The following ZNF438 variants were observed in gnomAD, a reference collection of about 807,000 sequenced individuals.
The protein encoded by ZNF438 is zinc finger protein 438.
A neutral mutation model predicts 38.0 loss-of-function variants in ZNF438; 25 were observed. The observed-to-expected ratio is 0.66, with a 90% CI of 0.48 to 0.92. The LOEUF is 0.92. Among genes scored for constraint, ZNF438 ranks in the 40% least tolerant of loss-of-function variants. The probability of loss-of-function intolerance (pLI) is 0.00; values close to 1 mark genes in which losing one functional copy is unlikely to be tolerated. For missense variants in ZNF438, 1,007 were observed against 999.6 expected (o/e 1.01, Z -0.10); for synonymous variants, 372 against 364.1 (o/e 1.02, Z -0.25).
At chr10:30,978,723 G>C (rs1468426382) in intron 1 of ZNF438, among the ~76,000 whole-genome samples, 1 of 152,196 alleles carries the variant, frequency 6.6e-6, no homozygotes, top group Admixed American at 6.5e-5. Context: ...GCAGTAAATG[G>C]AATCAGTTGT....
intron 1 of ZNF438, among the ~76,000 whole-genome samples, chr10:31,017,555 C>T (rs1235079335): frequency 6.6e-6 from 1 of 152,174 alleles, no homozygotes; most frequent in Non-Finnish European, 1.5e-5. Context: ...AAGTAGTAAC[C>T]ACAACTAAGG....
intron 2 of ZNF438, among the ~76,000 whole-genome samples, chr10:30,913,803 G>C (rs770894094): frequency 1.3e-5 from 2 of 152,034 alleles, no homozygotes; most frequent in African/African-American, 4.8e-5. Context: ...TAAGAACAAG[G>C]AACTTCTCTT....
At chr10:30,894,510 T>C (rs2041089395) in intron 3 of ZNF438, among the ~76,000 whole-genome samples, 1 of 152,118 alleles carries the variant, frequency 6.6e-6, no homozygotes, top group Non-Finnish European at 1.5e-5. Context: ...TTTTAATCCT[T>C]GTAAATGCTG....
rs536619241 is a variant in ZNF438 at position 30,847,809 on chromosome 10, C to T, written c.1874+722G>A. 5.9e-5 allele frequency among the ~76,000 whole-genome samples: 9 copies of T among 152,340 alleles called. No individual in the cohort carries two copies. The South Asian group carries it at 8.3e-4, about 14-fold the overall frequency. ...GAGCTGCCTGGCCTGCAGCAGCAGCCGGCGTGCCTGCCTATGCGCAGTGGC... is the reference window on the plus strand; with the variant it reads ...GAGCTGCCTGGCCTGCAGCAGCAGCTGGCGTGCCTGCCTATGCGCAGTGGC... On this transcript the variant is annotated intron_variant, in intron 5 of 5. Coordinates refer to ENST00000413025, the Ensembl canonical transcript of ZNF438.
chr10:30,848,793 GACA>G (rs1564473062), exon 5 of ZNF438: 1 of 1,614,162 alleles, frequency 6.2e-7, no homozygotes, highest in South Asian at 1.1e-5. Flanking sequence ...CGACAAATCC[GACA>G]ACTGTAAGGG....
intron 1 of ZNF438, among the ~76,000 whole-genome samples, chr10:30,969,129 T>C (rs758484763): frequency 1.3e-5 from 2 of 151,618 alleles, no homozygotes; most frequent in Non-Finnish European, 1.5e-5. Flanking sequence ...AGGCTAGAGA[T>C]GGTTTGCCAC....
chr10:30,877,075 A>G lies in ZNF438; in HGVS notation c.-31-10T>C, dbSNP rs1318777174. Reference sequence around the variant, plus strand: ...TTGAATAGTATCTTTCCTAAAAATAAGCAAGCACAAATAAGTATTAGAAAG... The same window carrying G: ...TTGAATAGTATCTTTCCTAAAAATAGGCAAGCACAAATAAGTATTAGAAAG... On this transcript the variant is annotated splice_polypyrimidine_tract_variant and intron_variant, in intron 3 of 5. Transcript: ENST00000413025. The G allele has an allele frequency of 6.5e-7, 1 of 1,533,744 alleles. No individual in the cohort carries two copies. The highest frequency in any genetic ancestry group is 2.3e-5 in the East Asian group (1 of 43,558).
At chr10:31,018,718 G>C (rs1376806954) in intron 1 of ZNF438, among the ~76,000 whole-genome samples, 1 of 152,208 alleles carries the variant, frequency 6.6e-6, no homozygotes, top group Non-Finnish European at 1.5e-5. Flanking sequence ...TGAAACAAGA[G>C]AGAGATAGGC....
At chr10:30,856,480 GTC>G (rs2034652343) in intron 4 of ZNF438, among the ~76,000 whole-genome samples, 2 of 127,004 alleles carry the variant, frequency 1.6e-5, no homozygotes, top group Non-Finnish European at 3.5e-5. Context: ...AAGATAGTAT[GTC>G]TGCAGAGTCT....
intron 2 of ZNF438, among the ~76,000 whole-genome samples, chr10:30,930,836 C>CAAAAAAAAAAAAAAAAAAAAAAAAAA (rs2045599179): frequency 2.9e-4 from 17 of 58,716 alleles, no homozygotes; most frequent in African/African-American, 1.1e-3. Context: ...AAAAAAAAAG[C>CAAAAAAAAAAAAAAAAAAAAAAAAAA]AAATGGTTCT....
At chr10:30,974,218 G>C (rs1369693142) in intron 1 of ZNF438, among the ~76,000 whole-genome samples, 1 of 152,210 alleles carries the variant, frequency 6.6e-6, no homozygotes, top group Non-Finnish European at 1.5e-5. Flanking sequence ...AGGTGCTCAG[G>C]CCTATAATCC....
At chr10:30,886,767 A>C (rs2040000659) in intron 3 of ZNF438, among the ~76,000 whole-genome samples, 1 of 152,232 alleles carries the variant, frequency 6.6e-6, no homozygotes, top group Admixed American at 6.5e-5. Context: ...AGTTGAACTA[A>C]GGTACATCAG....
At chr10:30,987,319 C>CAAAAAAAAAAAAAAAAAAAAA (rs367636159) in intron 1 of ZNF438, among the ~76,000 whole-genome samples, 1 of 102,944 alleles carries the variant, frequency 9.7e-6, no homozygotes, top group African/African-American at 3.9e-5. Context: ...ACCCCTGTCT[C>CAAAAAAAAAAAAAAAAAAAAA]AAAAAAAAAA....
chr10:31,010,606 G>A (rs1037067074), intron 1 of ZNF438, among the ~76,000 whole-genome samples: 1 of 152,022 alleles, frequency 6.6e-6, no homozygotes, highest in African/African-American at 2.4e-5. Flanking sequence ...AAATTTGTTG[G>A]CTAGACACAA....
chr10:31,022,323 A>G (rs1056623533), intron 1 of ZNF438, among the ~76,000 whole-genome samples: 3 of 151,572 alleles, frequency 2.0e-5, no homozygotes, highest in Non-Finnish European at 4.4e-5. Context: ...ATGCAGTGGT[A>G]CAATCTCAAC....
chr10:30,925,031 T>C (rs2044748554), intron 2 of ZNF438, among the ~76,000 whole-genome samples: 1 of 152,226 alleles, frequency 6.6e-6, no homozygotes. Context: ...GTTCCCTATA[T>C]TGACTTTACA....
At chr10:30,928,589 A>C (rs11008306) in intron 2 of ZNF438, among the ~76,000 whole-genome samples, 1 of 151,674 alleles carries the variant, frequency 6.6e-6, no homozygotes, top group Non-Finnish European at 1.5e-5. Context: ...ACATTCTGCA[A>C]ACCCTGCTAT....
At chr10:30,943,312 G>A (rs2047016596) in intron 1 of ZNF438, among the ~76,000 whole-genome samples, 1 of 152,138 alleles carries the variant, frequency 6.6e-6, no homozygotes, top group South Asian at 2.1e-4. Flanking sequence ...GTGTAAGGGA[G>A]TAAAGTTGAG....
intron 3 of ZNF438, 73 bp downstream of exon 4, chr10:30,908,860 G>A (rs2042823196): frequency 6.6e-6 from 1 of 152,118 alleles, no homozygotes. Context: ...GTTGATTTAA[G>A]GTAGGCCTTT....
Sources: allele counts gnomAD v4.1 joint callset (sites outside exome capture counted in the v4.1 genomes callset), GRCh38; gene constraint gnomAD v4.1.1; transcripts MANE v1.5; gene names NCBI Gene and HGNC (gene_info 2026-07-23, HGNC 2026-07-21).